C8orf89: variants seen among roughly 807,000 people sequenced by gnomAD.
C8orf89 encodes the protein putative uncharacterized protein C8orf89.
In C8orf89, 14 loss-of-function variants were observed where a neutral mutation model predicts 15.8. The ratio of observed to expected loss-of-function variants is 0.89; its 90% CI spans 0.59 to 1.39. The LOEUF (loss-of-function observed/expected upper bound fraction) is 1.39. Among genes scored for constraint, C8orf89 ranks in the 40% most tolerant of loss-of-function variants. The pLI, the probability that C8orf89 is intolerant of heterozygous loss-of-function variation, is 0.00. For synonymous variants in C8orf89, 55 were observed against 62.2 expected, an observed-to-expected ratio of 0.88 and a Z score of 0.54; for missense variants, 181 against 184.5, an observed-to-expected ratio of 0.98 and a Z score of 0.11.
At chr8:73,285,478 C>A in the C8orf89 span, among the ~76,000 whole-genome samples, 1 of 152,196 alleles carries the variant, frequency 6.6e-6, no homozygotes, top group East Asian at 1.9e-4. Flanking sequence ...GCCTTAGTGT[C>A]CCCTTCGTGG....
chr8:73,244,608 T>C (rs1415584441), intron 3 of C8orf89, among the ~76,000 whole-genome samples: 1 of 152,188 alleles, frequency 6.6e-6, no homozygotes, highest in East Asian at 1.9e-4. Flanking sequence ...AAGCACTATC[T>C]TCAATTCTCC....
At chr8:73,246,031 T>C (rs951928360) in intron 3 of C8orf89, among the ~76,000 whole-genome samples, 12 of 152,194 alleles carry the variant, frequency 7.9e-5, no homozygotes, top group African/African-American at 2.9e-4. Flanking sequence ...AGAAAATTCA[T>C]GGCAATCTCA....
At chr8:73,267,585 A>G in the C8orf89 span, among the ~76,000 whole-genome samples, 1 of 152,224 alleles carries the variant, frequency 6.6e-6, no homozygotes, top group Non-Finnish European at 1.5e-5. Flanking sequence ...CTAATAAATG[A>G]GGGAATTAGA....
At chr8:73,261,011 G>A (rs768769220), upstream of C8orf89, among the ~76,000 whole-genome samples, 2 of 152,024 alleles carry the variant, frequency 1.3e-5, no homozygotes, top group Non-Finnish European at 2.9e-5. Context: ...TCAAACATTA[G>A]ACTCCAAGTT....
chr8:73,281,583 C>T, the C8orf89 span, among the ~76,000 whole-genome samples: 1 of 152,212 alleles, frequency 6.6e-6, no homozygotes, highest in Non-Finnish European at 1.5e-5. Flanking sequence ...AATTCTATGG[C>T]ACAACAGAAC....
At chr8:73,272,548 G>A in the C8orf89 span, among the ~76,000 whole-genome samples, 1 of 152,046 alleles carries the variant, frequency 6.6e-6, no homozygotes, top group East Asian at 1.9e-4. Context: ...TTGGTGTGCT[G>A]CACCCATTAA....
At chr8:73,273,621 A>G in the C8orf89 span, among the ~76,000 whole-genome samples, 403 of 152,176 alleles carry the variant, frequency 2.6e-3, 3 homozygotes, top group Non-Finnish European at 4.8e-3. Context: ...TGGCGGCAGG[A>G]GTCAGGCTCC....
upstream of C8orf89, among the ~76,000 whole-genome samples, chr8:73,261,966 A>G (rs545515094): frequency 6.6e-6 from 1 of 152,332 alleles, no homozygotes; most frequent in Non-Finnish European, 1.5e-5. Flanking sequence ...CAAAGAAAGA[A>G]GAGTGGCTCC....
chr8:73,285,545 C>G, the C8orf89 span, among the ~76,000 whole-genome samples: 1 of 152,256 alleles, frequency 6.6e-6, no homozygotes, highest in Non-Finnish European at 1.5e-5. Flanking sequence ...CCTGACCTGG[C>G]AAGTCCCCTG....
At chr8:73,253,742 T>A (rs187450395) in intron 2 of C8orf89, among the ~76,000 whole-genome samples, 1 of 148,972 alleles carries the variant, frequency 6.7e-6, no homozygotes, top group Non-Finnish European at 1.5e-5. Context: ...CTGTCTGTTA[T>A]TGGTGTATAA....
At chr8:73,265,829 C>T in the C8orf89 span, among the ~76,000 whole-genome samples, 1 of 152,164 alleles carries the variant, frequency 6.6e-6, no homozygotes, top group African/African-American at 2.4e-5. Context: ...TTCCAGATTC[C>T]CTAACAGTAC....
the C8orf89 span, among the ~76,000 whole-genome samples, chr8:73,285,904 C>T: frequency 2.0e-5 from 3 of 152,208 alleles, no homozygotes; most frequent in Non-Finnish European, 2.9e-5. Flanking sequence ...GGGCCCGGCC[C>T]GGCCGGCGTC....
intron 1 of C8orf89, among the ~76,000 whole-genome samples, chr8:73,258,880 C>A (rs764081478): frequency 1.3e-5 from 2 of 152,104 alleles, no homozygotes; most frequent in East Asian, 3.8e-4. Context: ...ATCCACCTGC[C>A]TTGGCCTCTC....
chr8:73,277,819 C>T, the C8orf89 span: 267 of 718,376 alleles, frequency 3.7e-4, 2 homozygotes, highest in Non-Finnish European at 6.0e-4. Flanking sequence ...GCCATAATCA[C>T]AGGTCCATTT....
the C8orf89 span, among the ~76,000 whole-genome samples, chr8:73,270,822 C>G: frequency 6.6e-6 from 1 of 152,090 alleles, no homozygotes; most frequent in African/African-American, 2.4e-5. Context: ...AAAACACTTG[C>G]AAAGTGCTTA....
At chr8:73,256,726 C>CAAAAAAAAAAAAAAA (rs11288188) in intron 2 of C8orf89, among the ~76,000 whole-genome samples, 17 of 43,704 alleles carry the variant, frequency 3.9e-4, no homozygotes, top group African/African-American at 1.3e-3. Context: ...GACTCTGTCT[C>CAAAAAAAAAAAAAAA]AAAAAAAAAA....
At chr8:73,252,999 C>A (rs1483520034) in intron 2 of C8orf89, among the ~76,000 whole-genome samples, 1 of 152,096 alleles carries the variant, frequency 6.6e-6, no homozygotes, top group South Asian at 2.1e-4. Flanking sequence ...AAAAGTTAGC[C>A]GGGCGTGGTG....
intron 2 of C8orf89, among the ~76,000 whole-genome samples, chr8:73,254,277 T>G (rs1427322105): frequency 6.6e-6 from 1 of 152,102 alleles, no homozygotes; most frequent in African/African-American, 2.4e-5. Flanking sequence ...ATCCCAGGGA[T>G]GAAGCCCACT....
At position 73,241,570 on chromosome 8, in the gene C8orf89, A is replaced by G; in HGVS notation, c.373T>C (p.Ser125Pro). 1.3e-6 allele frequency: 2 copies of G among 1,532,476 alleles called. No individual in the cohort carries two copies. Among genetic ancestry groups the G allele is most frequent in the Non-Finnish European group, 1.7e-6 (2 of 1,144,698 alleles). 94.9% of individuals were successfully genotyped at this position (1,532,476 alleles called of 1,614,324 possible). A position where few individuals can be genotyped will look rare whatever the true frequency, so the allele number is the denominator to read the frequency against. ...GFSDPLTGAP[S>P]QYLERLSKIA... ...TTGGAAAGTCTCTCTAAGTATTGAG[A>G]TGGTGCTCCAGTGAGAGGATCACTG... The change falls in exon 4 of 4, where the codon TCT becomes CCT. Residue 125 changes from serine (S) to proline (P), a missense_variant. By Grantham distance (74) the Ser-to-Pro change is moderately conservative. Transcript: ENST00000624510.
Sources: gnomAD v4.1 joint callset for allele counts (sites outside exome capture counted in the v4.1 genomes callset) on GRCh38, gnomAD v4.1.1 for gene constraint, MANE v1.5 for transcripts, NCBI Gene and HGNC (gene_info 2026-07-23, HGNC 2026-07-21) for gene names.